The following ADARB1 variants were observed in gnomAD, a reference collection of about 807,000 sequenced individuals.
ADARB1 encodes the protein adenosine deaminase RNA specific B1, also known as double-stranded RNA-specific editase 1.
In ADARB1, 10 loss-of-function variants were observed where a neutral mutation model predicts 52.4. The ratio of observed to expected loss-of-function variants is 0.19; its 90% confidence interval spans 0.12 to 0.32. ADARB1 has a LOEUF of 0.32. Among genes scored for constraint, ADARB1 ranks in the 10% least tolerant of loss-of-function variants. The pLI, the probability that ADARB1 is intolerant of heterozygous loss-of-function variation, is 1.00. For synonymous variants in ADARB1, 349 were observed against 371.1 expected (o/e 0.94, Z 0.68); for missense variants, 643 against 922.3 (o/e 0.70, Z 3.92).
Position 45,200,201 on chromosome 21 carries a change from G to A in ADARB1, c.1566-4354G>A, listed in dbSNP as rs938628610. On this transcript the variant is annotated intron_variant, in intron 8 of 10. Transcript: ENST00000348831. This position sits in a 1 kb window ranked among gnomAD's most constrained non-coding sequence, Gnocchi z 5.0. ...ACACAGGACACAGTGACAGGCAGAG[G>A]GCCCAGGGCCATGGTAGGTTGGGGG... 1.3e-5 allele frequency among the ~76,000 whole-genome samples: 2 copies of A among 152,202 alleles called. No individual in the cohort carries two copies. Among genetic ancestry groups the A allele is most frequent in the Admixed American group, 6.5e-5 (1 of 15,286 alleles).
chr21:45,121,699 CCA>C (rs889031191), intron 1 of ADARB1, among the ~76,000 whole-genome samples: 3 of 152,168 alleles, frequency 2.0e-5, no homozygotes, highest in African/African-American at 7.2e-5. Context: ...TAAAACCTGT[CCA>C]CTGAGCTTTT....
At chr21:45,196,281 G>T (rs1407811429) in intron 8 of ADARB1, among the ~76,000 whole-genome samples, 1 of 151,610 alleles carries the variant, frequency 6.6e-6, no homozygotes, top group African/African-American at 2.4e-5. Flanking sequence ...TGAAATAAGT[G>T]GATATCCCTG....
chr21:45,116,485 T>C (rs1190377914), intron 1 of ADARB1, among the ~76,000 whole-genome samples: 2 of 152,252 alleles, frequency 1.3e-5, no homozygotes, highest in Non-Finnish European at 2.9e-5. Context: ...GAAGCAACTT[T>C]TGTTATTATT....
At chr21:45,187,244 G>A (rs1375013118) in intron 8 of ADARB1, among the ~76,000 whole-genome samples, 2 of 152,052 alleles carry the variant, frequency 1.3e-5, no homozygotes, top group African/African-American at 4.8e-5. Context: ...CCCTTGGTTA[G>A]GCTTATTACT....
At chr21:45,124,791 G>GCGTA (rs2088470272) in intron 1 of ADARB1, among the ~76,000 whole-genome samples, 1 of 144,492 alleles carries the variant, frequency 6.9e-6, no homozygotes, top group Admixed American at 6.8e-5. Context: ...GTGTGTATGT[G>GCGTA]TGTGTGTGTG....
chr21:45,077,105 G>A (rs1057060008), intron 1 of ADARB1, among the ~76,000 whole-genome samples: 1 of 152,156 alleles, frequency 6.6e-6, no homozygotes, highest in Non-Finnish European at 1.5e-5. Flanking sequence ...TTGCTATAGT[G>A]CATATTCTTA....
intron 1 of ADARB1, among the ~76,000 whole-genome samples, chr21:45,108,347 A>G (rs1020240243): frequency 1.3e-5 from 2 of 152,200 alleles, no homozygotes; most frequent in African/African-American, 4.8e-5. Context: ...TAATGTTGCT[A>G]TTTCTCATGT....
At chr21:45,097,809 G>C (rs1175206851) in intron 1 of ADARB1, among the ~76,000 whole-genome samples, 2 of 152,144 alleles carry the variant, frequency 1.3e-5, no homozygotes, top group African/African-American at 4.8e-5. Context: ...ACAAACCGCT[G>C]CTCCCTAAAG....
chr21:45,190,218 T>C (rs548984316), intron 8 of ADARB1, among the ~76,000 whole-genome samples: 2 of 152,284 alleles, frequency 1.3e-5, no homozygotes, highest in South Asian at 4.1e-4. Flanking sequence ...CCTCATCAAG[T>C]CTTCTGTTGC....
At chr21:45,093,397 G>T (rs968843623) in intron 1 of ADARB1, among the ~76,000 whole-genome samples, 17 of 152,184 alleles carry the variant, frequency 1.1e-4, no homozygotes, top group African/African-American at 4.1e-4. Flanking sequence ...GCTCCCATTG[G>T]CAGGTTTCCA....
At chr21:45,164,520 C>T (rs548453417) in intron 2 of ADARB1, among the ~76,000 whole-genome samples, 7 of 48,198 alleles carry the variant, frequency 1.5e-4, no homozygotes, top group Non-Finnish European at 2.8e-4. Context: ...TTGCACTGTG[C>T]GTGGAGGGAG....
chr21:45,186,157 G>C (rs574604531), intron 8 of ADARB1, among the ~76,000 whole-genome samples: 82 of 152,306 alleles, frequency 5.4e-4, no homozygotes, highest in African/African-American at 1.9e-3. Context: ...GAATTATTTG[G>C]AGTATTTGTT....
At chr21:45,161,176 C>T (rs769250760) in intron 2 of ADARB1, among the ~76,000 whole-genome samples, 1 of 152,296 alleles carries the variant, frequency 6.6e-6, no homozygotes, top group East Asian at 1.9e-4. Context: ...GGCTAGGGCT[C>T]TGTGCTCCGC....
chr21:45,168,730 A>T (rs1181244235), intron 2 of ADARB1, among the ~76,000 whole-genome samples: 1 of 151,852 alleles, frequency 6.6e-6, no homozygotes, highest in Non-Finnish European at 1.5e-5. Context: ...AGCTAGACTG[A>T]TTGCTCCCAC....
chr21:45,121,081 G>A (rs1237417748), intron 1 of ADARB1: 1 of 152,098 alleles, frequency 6.6e-6, no homozygotes, highest in Non-Finnish European at 1.5e-5. Flanking sequence ...GTTCATGTCT[G>A]GCACATTCTT....
rs2091721379 is a variant in ADARB1 at position 45,176,950 on chromosome 21, C to T, written c.963+286C>T. 1 of 293,034 alleles carries T rather than the reference C, an allele frequency of 3.4e-6. No homozygotes were observed. The highest frequency in any genetic ancestry group is 7.4e-5 in the South Asian group (1 of 13,490). The allele number at this position is 293,034 out of a possible 1,614,324, so 18.2% of individuals were successfully genotyped here. ...TACAACACTATCCATAACTCCCTTC[C>T]CGTTAGGCAACCCCCCCCATGACCC... On this transcript the variant is annotated intron_variant, in intron 4 of 10. Transcript: ENST00000348831. The surrounding 1 kb of genome is among the most constrained non-coding windows in gnomAD (Gnocchi z 5.8).
intron 1 of ADARB1, among the ~76,000 whole-genome samples, chr21:45,083,103 A>G (rs2086214931): frequency 6.6e-6 from 1 of 152,230 alleles, no homozygotes; most frequent in African/African-American, 2.4e-5. Flanking sequence ...CTGCCTGGCC[A>G]GAATGAAAGC....
At chr21:45,134,020 G>A (rs28972618) in intron 2 of ADARB1, among the ~76,000 whole-genome samples, 3 of 121,504 alleles carry the variant, frequency 2.5e-5, no homozygotes, top group African/African-American at 9.7e-5. Context: ...GTGTGTGCCC[G>A]ACAGTGGTGT....
At chr21:45,194,924 G>C (rs1329765063) in intron 8 of ADARB1, among the ~76,000 whole-genome samples, 4 of 152,128 alleles carry the variant, frequency 2.6e-5, no homozygotes, top group African/African-American at 9.7e-5. Flanking sequence ...AAGTCCTTTG[G>C]GTAAGTACCA....
Sources: allele counts gnomAD v4.1 joint callset (sites outside exome capture counted in the v4.1 genomes callset), GRCh38; gene constraint gnomAD v4.1.1; non-coding constraint Gnocchi (gnomAD v3.1); transcripts MANE v1.5; gene names NCBI Gene and HGNC (gene_info 2026-07-23, HGNC 2026-07-21).